Variants in MGAT4C observed in about 807,000 individuals in gnomAD.
MGAT4C encodes MGAT4 family member C, also known as alpha-1,3-mannosyl-glycoprotein 4-beta-N-acetylglucosaminyltransferase C.
MGAT4C carries 19 observed loss-of-function variants against 40.1 expected under a neutral mutation model. The observed-to-expected ratio is 0.47, with a 90% CI of 0.33 to 0.70. MGAT4C has a LOEUF of 0.70. MGAT4C is among the 30% of genes least tolerant of loss of function. The pLI is 0.02. For missense variants in MGAT4C, 491 were observed against 563.2 expected, an observed-to-expected ratio of 0.87 and a Z score of 1.30; for synonymous variants, 181 against 187.1, an observed-to-expected ratio of 0.97 and a Z score of 0.27.
chr12:86,232,923 A>G (rs910362681), intron 1 of MGAT4C, among the ~76,000 whole-genome samples: 3 of 152,200 alleles, frequency 2.0e-5, no homozygotes, highest in African/African-American at 7.2e-5. Flanking sequence ...CGTGGAGAGA[A>G]AAACACTCCC....
intron 3 of MGAT4C, among the ~76,000 whole-genome samples, chr12:86,367,778 C>T (rs999618938): frequency 3.3e-5 from 5 of 152,088 alleles, no homozygotes; most frequent in South Asian, 2.1e-4. Context: ...CCAGCCTAGG[C>T]GACAGAGCGA....
chr12:86,294,347 ACACT>A (rs754856625), intron 4 of MGAT4C, among the ~76,000 whole-genome samples: 177 of 131,084 alleles, frequency 1.4e-3, no homozygotes, highest in Non-Finnish European at 2.4e-3. Context: ...GGTGTTATTC[ACACT>A]CACTAAAACT....
At chr12:86,553,296 T>C (rs1369468774) in intron 2 of MGAT4C, among the ~76,000 whole-genome samples, 1 of 152,134 alleles carries the variant, frequency 6.6e-6, no homozygotes, top group East Asian at 1.9e-4. Context: ...GCCATTTCTT[T>C]TTAGGGGTGG....
intron 4 of MGAT4C, among the ~76,000 whole-genome samples, chr12:86,322,132 C>A (rs573674532): frequency 1.3e-5 from 2 of 148,778 alleles, no homozygotes; most frequent in South Asian, 2.1e-4. Flanking sequence ...GACAGAAAAC[C>A]AAACACCGCA....
At chr12:86,077,334 T>C (rs1226830970) in intron 1 of MGAT4C, among the ~76,000 whole-genome samples, 1 of 152,204 alleles carries the variant, frequency 6.6e-6, no homozygotes, top group East Asian at 1.9e-4. Flanking sequence ...AATGCACCAT[T>C]TCCCAACCCA....
At chr12:86,382,545 G>T (rs1377791041) in intron 3 of MGAT4C, among the ~76,000 whole-genome samples, 1 of 152,170 alleles carries the variant, frequency 6.6e-6, no homozygotes, top group Non-Finnish European at 1.5e-5. Context: ...AAGTAACGAG[G>T]ATGTTAATCA....
chr12:86,724,943 A>G (rs1454393088), intron 2 of MGAT4C, among the ~76,000 whole-genome samples: 1 of 152,202 alleles, frequency 6.6e-6, no homozygotes, highest in Non-Finnish European at 1.5e-5. Context: ...CATTTTTTTA[A>G]CTAGCTAGAT....
At chr12:86,633,041 A>T (rs942552466) in intron 2 of MGAT4C, among the ~76,000 whole-genome samples, 2 of 151,896 alleles carry the variant, frequency 1.3e-5, no homozygotes, top group Admixed American at 1.3e-4. Flanking sequence ...TTATACATAT[A>T]TACCAAATAT....
intron 2 of MGAT4C, among the ~76,000 whole-genome samples, chr12:86,703,417 AT>A (rs1467918717): frequency 6.6e-6 from 1 of 152,082 alleles, no homozygotes; most frequent in Non-Finnish European, 1.5e-5. Context: ...TTGTTTTTTG[AT>A]TTTAAGAAAT....
At chr12:86,782,630 T>C (rs1170717646) in intron 1 of MGAT4C, among the ~76,000 whole-genome samples, 1 of 152,176 alleles carries the variant, frequency 6.6e-6, no homozygotes, top group Non-Finnish European at 1.5e-5. Flanking sequence ...CAAAGTTTAT[T>C]TGTTATGGCC....
At chr12:86,294,928 C>T (rs1953623232) in intron 4 of MGAT4C, among the ~76,000 whole-genome samples, 1 of 152,180 alleles carries the variant, frequency 6.6e-6, no homozygotes. Context: ...TTGTTCACTT[C>T]TGCCCCTTCT....
chr12:86,733,075 T>C (rs1436453305), intron 1 of MGAT4C, among the ~76,000 whole-genome samples: 1 of 152,114 alleles, frequency 6.6e-6, no homozygotes, highest in African/African-American at 2.4e-5. Flanking sequence ...CAGTCTTCCC[T>C]CTCATTATAA....
chr12:86,508,984 C>T (rs949254787), intron 2 of MGAT4C, among the ~76,000 whole-genome samples: 6 of 151,748 alleles, frequency 4.0e-5, no homozygotes, highest in Admixed American at 6.6e-5. Flanking sequence ...AGTTAGGTTG[C>T]GAAAATTTTC....
At chr12:86,302,695 C>G (rs1178155379) in intron 4 of MGAT4C, among the ~76,000 whole-genome samples, 1 of 150,568 alleles carries the variant, frequency 6.6e-6, no homozygotes, top group Non-Finnish European at 1.5e-5. Flanking sequence ...TCCCAAAGTG[C>G]TGGGATTACA....
upstream of MGAT4C, among the ~76,000 whole-genome samples, chr12:86,260,023 A>G (rs1465565983): frequency 6.7e-6 from 1 of 150,188 alleles, no homozygotes; most frequent in Non-Finnish European, 1.5e-5. Flanking sequence ...ACTATTCATT[A>G]GCATTATTTT....
chr12:86,493,867 C>G (rs80329263), intron 2 of MGAT4C, among the ~76,000 whole-genome samples: 2,071 of 151,796 alleles, frequency 0.014, 40 homozygotes, highest in African/African-American at 0.048. Context: ...TATAGAAAAC[C>G]GTATGTTTAG....
intron 2 of MGAT4C, among the ~76,000 whole-genome samples, chr12:86,691,305 A>T (rs1366249254): frequency 1.3e-5 from 2 of 152,108 alleles, no homozygotes; most frequent in Admixed American, 6.6e-5. Flanking sequence ...CAAAAGCAAT[A>T]CTCCCAAGAG....
At chr12:86,727,082 T>C (rs1950833861) in intron 2 of MGAT4C, 1 of 152,166 alleles carries the variant, frequency 6.6e-6, no homozygotes, top group Non-Finnish European at 1.5e-5. Flanking sequence ...CCCTTAACAA[T>C]AATTGTTATC....
chr12:86,455,440 C>T (rs1401603518), intron 2 of MGAT4C, among the ~76,000 whole-genome samples: 1 of 152,176 alleles, frequency 6.6e-6, no homozygotes, highest in East Asian at 1.9e-4. Flanking sequence ...TTAATTCTTT[C>T]ATTTTATGTT....
Sources: allele counts gnomAD v4.1 joint callset (sites outside exome capture counted in the v4.1 genomes callset), GRCh38; gene constraint gnomAD v4.1.1; transcripts MANE v1.5; gene names NCBI Gene and HGNC (gene_info 2026-07-23, HGNC 2026-07-21).